Variants in LARGE1 observed in about 807,000 individuals in gnomAD.
LARGE1 encodes the protein xylosyl- and glucuronyltransferase LARGE1.
In LARGE1, 43 loss-of-function variants were observed where a neutral mutation model predicts 87.6. That is an observed-to-expected ratio of 0.49 (90% CI 0.38 to 0.63). The LOEUF (loss-of-function observed/expected upper bound fraction) is 0.63. Ranked by LOEUF, LARGE1 falls within the 30% of genes least tolerant of loss-of-function variation. LARGE1 has a pLI of 0.00. For missense variants in LARGE1, 802 were observed against 1,000.2 expected (o/e 0.80, Z 2.67); for synonymous variants, 434 against 394.6 (o/e 1.10, Z -1.18).
intron 1 of LARGE1, among the ~76,000 whole-genome samples, chr22:33,816,663 C>A (rs1412444019): frequency 1.4e-5 from 1 of 71,206 alleles, no homozygotes; most frequent in African/African-American, 4.3e-5. Flanking sequence ...CAGACGGATG[C>A]ACGGATGGAT....
intron 1 of LARGE1, among the ~76,000 whole-genome samples, chr22:33,768,696 C>T (rs2084979421): frequency 6.6e-6 from 1 of 152,200 alleles, no homozygotes; most frequent in African/African-American, 2.4e-5. Flanking sequence ...ACTAAAACCC[C>T]TTCTGGGCAA....
chr22:33,278,551 T>C (rs918332511), intron 13 of LARGE1, among the ~76,000 whole-genome samples: 1 of 126,642 alleles, frequency 7.9e-6, no homozygotes, highest in East Asian at 2.0e-4. Context: ...AATCTCTCTC[T>C]CTCACACACA....
intron 9 of LARGE1, among the ~76,000 whole-genome samples, chr22:33,343,419 G>C (rs1171950868): frequency 2.0e-5 from 3 of 152,070 alleles, no homozygotes; most frequent in African/African-American, 7.2e-5. Context: ...TCTGCATCCG[G>C]CCAGGCCAGG....
At chr22:33,803,096 C>A (rs572516943) in intron 1 of LARGE1, among the ~76,000 whole-genome samples, 2 of 152,130 alleles carry the variant, frequency 1.3e-5, no homozygotes, top group African/African-American at 4.8e-5. Context: ...CCAGCAAAGT[C>A]CACCAATGCC....
intron 9 of LARGE1, among the ~76,000 whole-genome samples, chr22:33,370,049 T>G (rs1198667449): frequency 6.6e-6 from 1 of 152,208 alleles, no homozygotes; most frequent in African/African-American, 2.4e-5. Context: ...TGGGTTTGCC[T>G]GGCTACCAAT....
chr22:33,426,102 G>C (rs2066868047), intron 7 of LARGE1, among the ~76,000 whole-genome samples: 2 of 152,096 alleles, frequency 1.3e-5, no homozygotes, highest in Admixed American at 1.3e-4. Context: ...TCTGGAATTA[G>C]TCTAGAAAAC....
intron 2 of LARGE1, among the ~76,000 whole-genome samples, chr22:33,731,166 G>A (rs1460252164): frequency 6.6e-6 from 1 of 151,852 alleles, no homozygotes; most frequent in South Asian, 2.1e-4. Flanking sequence ...ACCATGCCTG[G>A]CTAATTTTTT....
chr22:33,769,371 T>C (rs1202019957), intron 1 of LARGE1, among the ~76,000 whole-genome samples: 1 of 152,174 alleles, frequency 6.6e-6, no homozygotes, highest in Non-Finnish European at 1.5e-5. Flanking sequence ...TCCTTTACGG[T>C]CTATCTCCCC....
chr22:33,401,075 C>T (rs988659662), intron 7 of LARGE1, among the ~76,000 whole-genome samples: 1 of 152,068 alleles, frequency 6.6e-6, no homozygotes, highest in African/African-American at 2.4e-5. Context: ...CTCGCACACT[C>T]TCGCATGTGG....
At chr22:33,567,824 C>T (rs1464443918) in intron 5 of LARGE1, among the ~76,000 whole-genome samples, 2 of 151,988 alleles carry the variant, frequency 1.3e-5, no homozygotes, top group South Asian at 2.1e-4. Flanking sequence ...CAGGTATGCC[C>T]GTTGTTTAGC....
intron 5 of LARGE1, among the ~76,000 whole-genome samples, chr22:33,569,731 C>T (rs1209751212): frequency 6.6e-6 from 1 of 152,186 alleles, no homozygotes; most frequent in Non-Finnish European, 1.5e-5. Context: ...CAGCCCCAGG[C>T]TGGATTAGGG....
chr22:33,242,572 G>A (rs950144036), intron 11 of LARGE1, among the ~76,000 whole-genome samples: 9 of 151,796 alleles, frequency 5.9e-5, no homozygotes, highest in African/African-American at 9.7e-5. Flanking sequence ...TTTTCTTTCC[G>A]TTTTTTTCAT....
chr22:33,294,746 C>A (rs1476424275), intron 12 of LARGE1, among the ~76,000 whole-genome samples: 1 of 152,130 alleles, frequency 6.6e-6, no homozygotes, highest in African/African-American at 2.4e-5. Flanking sequence ...CTGGGGTGAG[C>A]CTCTGTTCAT....
At chr22:33,111,396 T>C in the LARGE1 span, among the ~76,000 whole-genome samples, 1 of 152,122 alleles carries the variant, frequency 6.6e-6, no homozygotes, top group Non-Finnish European at 1.5e-5. Context: ...AGGGCGTTAA[T>C]AAAACAGCTT....
intron 9 of LARGE1, among the ~76,000 whole-genome samples, chr22:33,344,556 G>T (rs1232239405): frequency 6.6e-6 from 1 of 152,052 alleles, no homozygotes; most frequent in Non-Finnish European, 1.5e-5. Flanking sequence ...AGAAGTAGAG[G>T]CCAGCTTCTG....
intron 2 of LARGE1, among the ~76,000 whole-genome samples, chr22:33,675,383 G>T (rs985697371): frequency 2.0e-5 from 3 of 147,222 alleles, no homozygotes; most frequent in Non-Finnish European, 4.5e-5. Flanking sequence ...AGTGAGATTT[G>T]ATCCAAGAAC....
intron 11 of LARGE1, among the ~76,000 whole-genome samples, chr22:33,225,237 G>A (rs916386873): frequency 3.9e-5 from 6 of 152,154 alleles, no homozygotes; most frequent in Admixed American, 3.9e-4. Flanking sequence ...TTGGCAAAGC[G>A]GTTGAGGCTG....
intron 11 of LARGE1, among the ~76,000 whole-genome samples, chr22:33,182,736 CTG>C (rs992849995): frequency 2.0e-5 from 3 of 152,170 alleles, no homozygotes; most frequent in Non-Finnish European, 4.4e-5. Context: ...CTTCAATAAA[CTG>C]TGTTGTAAAA....
intron 1 of LARGE1, among the ~76,000 whole-genome samples, chr22:33,815,211 C>A (rs1184774388): frequency 6.6e-6 from 1 of 152,126 alleles, no homozygotes; most frequent in Non-Finnish European, 1.5e-5. Flanking sequence ...TCAGTTTCTC[C>A]CAGGACAGTA....
Sources: gnomAD v4.1 joint callset for allele counts (sites outside exome capture counted in the v4.1 genomes callset) on GRCh38, gnomAD v4.1.1 for gene constraint, MANE v1.5 for transcripts, NCBI Gene and HGNC (gene_info 2026-07-23, HGNC 2026-07-21) for gene names.